The following BORCS8 variants were observed in gnomAD, a reference collection of about 807,000 sequenced individuals.
BORCS8 encodes BLOC-1 related complex subunit 8, also known as BLOC-1-related complex subunit 8.
Under a neutral mutation model 18.7 loss-of-function variants are expected in BORCS8, and 13 were observed. The ratio of observed to expected loss-of-function variants is 0.70; its 90% CI spans 0.45 to 1.11. The LOEUF (loss-of-function observed/expected upper bound fraction) is 1.11. BORCS8 is among the 50% of genes least tolerant of loss of function. The probability of loss-of-function intolerance (pLI) is 0.00; values close to 1 mark genes in which losing one functional copy is unlikely to be tolerated. For synonymous variants in BORCS8, 68 were observed against 64.8 expected (o/e 1.05, Z -0.24); for missense variants, 165 against 165.7 (o/e 1.00, Z 0.02).
chr19:19,182,583 G>GGC lies in BORCS8; in HGVS notation c.315_316insGC (p.Gln106AlafsTer60). On this transcript the variant is annotated frameshift_variant, in exon 4 of 6. Coordinates refer to ENST00000462790, the MANE Select transcript of BORCS8 (RefSeq NM_001145784.2). LOFTEE classifies it high-confidence loss of function. The surrounding 1 kb of genome is among the most constrained non-coding windows in gnomAD (Gnocchi z 4.1). ...GGTCCCAGGAGCTACCTGTGGCCCT[G>GGC]GGCACTGGCATTCATATGGTCCCGG... The GGC allele has an allele frequency of 6.4e-7, 1 of 1,550,882 alleles. No individual in the cohort carries two copies. The highest frequency in any genetic ancestry group is 8.7e-7 in the Non-Finnish European group (1 of 1,146,872).
chr19:19,187,759 G>C (rs753503018), intron 1 of BORCS8, among the ~76,000 whole-genome samples: 2 of 151,740 alleles, frequency 1.3e-5, no homozygotes, highest in Non-Finnish European at 2.9e-5. Flanking sequence ...GGATGGTCTC[G>C]ATCTCCTGAC....
In BORCS8 at chr19:19,180,745, G is replaced by C. The variant is rs1015941558; in HGVS notation, c.343C>G (p.Pro115Ala). The C allele has an allele frequency of 1.3e-6, 2 of 1,549,796 alleles. No individual in the cohort carries two copies. Among genetic ancestry groups the C allele is most frequent in the African/African-American group, 2.7e-5 (2 of 72,998 alleles). ...AQGHSPEEPP[P>A]PSSA ...TTCCAGGATCAGGCTGAGGAGGGCG[G>C]GGGTGGTTCCTCCGGGCTGCAACAA... The change falls in exon 5 of 6, where the codon CCG (proline) becomes GCG (alanine). Residue 115 changes from proline (P) to alanine (A), a missense_variant. Physicochemically the swap from Pro to Ala is conservative, Grantham distance 27 (BLOSUM62 -1). Transcript: ENST00000462790.
At chr19:19,177,696 G>GGAAGGAAGGAAGGAAGGAAGGGAAA (rs1376064847) in intron 5 of BORCS8, 2 of 74,650 alleles carry the variant, frequency 2.7e-5, no homozygotes, top group African/African-American at 1.0e-4. Context: ...AAGGAAGGAA[G>GGAAGGAAGGAAGGAAGGAAGGGAAA]AGAAAAGAAA....
chr19:19,184,453 C>G (rs1186097487), intron 3 of BORCS8, among the ~76,000 whole-genome samples: 1 of 151,764 alleles, frequency 6.6e-6, no homozygotes, highest in African/African-American at 2.4e-5. Flanking sequence ...CTACAGGTGC[C>G]ACCACACCTG....
chr19:19,182,418 T>C lies in BORCS8; in HGVS notation c.326+155A>G. On this transcript the variant is annotated intron_variant, in intron 4 of 5. Coordinates refer to ENST00000462790, the MANE Select transcript of BORCS8 (RefSeq NM_001145784.2). The surrounding 1 kb of genome is among the most constrained non-coding windows in gnomAD (Gnocchi z 4.1). ...CGGTATTAAGTGACTGAACTCAGGT[T>C]ATAGATGCCACAGGACAAGAGGAGG... 2 of 1,422,868 alleles carry C rather than the reference T, an allele frequency of 1.4e-6. No homozygotes were observed. The highest frequency in any genetic ancestry group is 1.4e-5 in the African/African-American group (1 of 69,466). The allele number at this position is 1,422,868 out of a possible 1,614,324, so 88.1% of individuals were successfully genotyped here.
chr19:19,184,863 G>A lies in BORCS8; in HGVS notation c.215+1171C>T, dbSNP rs368545687. Among the ~76,000 whole-genome samples the A allele has an allele frequency of 9.9e-5, 15 of 152,246 alleles. No individual in the cohort carries two copies. In the South Asian group the frequency reaches 3.1e-3, roughly 32 times the overall value. ...GATCCTCCCACCTCAGACTCCCAAAGCACTGGGAGTACAGGCGTAAGCCCC... is the reference window on the plus strand; with the variant it reads ...GATCCTCCCACCTCAGACTCCCAAAACACTGGGAGTACAGGCGTAAGCCCC... On this transcript the variant is annotated intron_variant, in intron 3 of 5. Coordinates refer to ENST00000462790, the MANE Select transcript of BORCS8 (RefSeq NM_001145784.2).
At position 19,188,559 on chromosome 19, in the gene BORCS8, G is replaced by A. The variant is rs960862803; in HGVS notation, c.38-1554C>T. Among the ~76,000 whole-genome samples, 7 of 152,192 alleles carry A rather than the reference G, an allele frequency of 4.6e-5. No individual in the cohort carries two copies. In the East Asian group the frequency reaches 9.7e-4, roughly 21 times the overall value. ...TCTTTTTGCCCCCGTGACCACACTC[G>A]GGACTCTTCAGAGCATGCCCACAGG... On this transcript the variant is annotated intron_variant, in intron 1 of 5. Transcript: ENST00000462790.
rs557144746 is a variant in BORCS8, at chr19:19,187,117, C to T, written c.38-112G>A. ...AAAGGGGGCATCTGGCGTGTCCCTC[C>T]GCAGCTAGGTCACTCCTGGCCCATG... On this transcript the variant is annotated intron_variant, in intron 1 of 5. Coordinates refer to ENST00000462790, the MANE Select transcript of BORCS8 (RefSeq NM_001145784.2). 201 of 743,612 alleles carry T rather than the reference C, an allele frequency of 2.7e-4. 1 individual carries two copies. The African/African-American group carries it at 2.8e-3, about 10-fold the overall frequency. The allele number at this position is 743,612 out of a possible 1,614,324, so 46.1% of individuals were successfully genotyped here.
chr19:19,191,963 G>A (rs2060488063), intron 1 of BORCS8, 118 bp downstream of exon 1: 3 of 1,232,220 alleles, frequency 2.4e-6, no homozygotes, highest in Non-Finnish European at 2.3e-6. Context: ...CGGCAGAGCT[G>A]GGATTGGACG....
intron 3 of BORCS8, among the ~76,000 whole-genome samples, chr19:19,184,590 C>T (rs2060388331): frequency 6.6e-6 from 1 of 151,894 alleles, no homozygotes; most frequent in Admixed American, 6.6e-5. Flanking sequence ...GTGTGAGCCA[C>T]CGCGCCCGGT....
intron 2 of BORCS8, 43 bp from the exon 3 acceptor site, chr19:19,186,141 C>G (rs543113164): frequency 2.0e-6 from 3 of 1,534,972 alleles, no homozygotes; most frequent in South Asian, 2.4e-5. Context: ...AGGCCACCCC[C>G]ACCTAGAGGG....
intron 4 of BORCS8, 117 bp from the exon 5 acceptor site, chr19:19,180,878 C>T (rs951166468): frequency 3.6e-5 from 39 of 1,089,294 alleles, no homozygotes; most frequent in Non-Finnish European, 5.0e-5. Flanking sequence ...CTGGCTTGAG[C>T]TTCTGGGGCA....
intron 5 of BORCS8, 118 bp downstream of exon 5, chr19:19,180,568 A>G: frequency 1.3e-6 from 1 of 742,410 alleles, no homozygotes; most frequent in Non-Finnish European, 2.4e-6. Context: ...AAATCATCCC[A>G]CAAGCCCAGT....
intron 5 of BORCS8, chr19:19,177,761 G>GAAAAGAAAAGA (rs1568562259): frequency 3.7e-5 from 6 of 163,118 alleles, no homozygotes; most frequent in African/African-American, 1.6e-4. Flanking sequence ...AAGAAAGGAA[G>GAAAAGAAAAGA]AAAGAAAGGG....
chr19:19,186,173 T>C (rs1369911286), intron 2 of BORCS8, 75 bp from the exon 3 acceptor site: 1 of 1,402,750 alleles, frequency 7.1e-7, no homozygotes, highest in Non-Finnish European at 9.9e-7. Context: ...GCTCTCTTGG[T>C]TGGGGCTCTC....
chr19:19,191,491 CAA>C (rs34145724), intron 1 of BORCS8, among the ~76,000 whole-genome samples: 76 of 85,942 alleles, frequency 8.8e-4, no homozygotes, highest in Non-Finnish European at 1.0e-3. Context: ...TACCTTGTCT[CAA>C]AAAAAAAAAA....
At chr19:19,177,758 G>GAAAAGAAAAGAAAAGAAAAGAA (rs1332814903) in intron 5 of BORCS8, 1 of 174,852 alleles carries the variant, frequency 5.7e-6, no homozygotes, top group African/African-American at 2.4e-5. Context: ...GAAAAGAAAG[G>GAAAAGAAAAGAAAAGAAAAGAA]AAGAAAGAAA....
chr19:19,177,698 GAAAAGAAAAGAAAA>G (rs2060311398), intron 5 of BORCS8: 2 of 39,266 alleles, frequency 5.1e-5, no homozygotes, highest in African/African-American at 2.7e-4. Flanking sequence ...GGAAGGAAGA[GAAAAGAAAAGAAAA>G]GAAAAGAAAA....
In BORCS8 at chr19:19,187,112, C is replaced by T. The variant is rs1051904585; in HGVS notation, c.38-107G>A. The T allele has an allele frequency of 4.5e-5, 35 of 781,532 alleles. No individual in the cohort carries two copies. The South Asian group carries it at 5.5e-4, about 12-fold the overall frequency. The allele number at this position is 781,532 out of a possible 1,614,324, so 48.4% of individuals were successfully genotyped here. ...AGAGCAAAGGGGGCATCTGGCGTGT[C>T]CCTCCGCAGCTAGGTCACTCCTGGC... is the stretch of plus-strand genomic sequence containing the variant. On this transcript the variant is annotated intron_variant, in intron 1 of 5. Coordinates refer to ENST00000462790, the MANE Select transcript of BORCS8 (RefSeq NM_001145784.2).
Sources: allele counts gnomAD v4.1 joint callset (sites outside exome capture counted in the v4.1 genomes callset), GRCh38; gene constraint gnomAD v4.1.1; non-coding constraint Gnocchi (gnomAD v3.1); transcripts MANE v1.5; gene names NCBI Gene and HGNC (gene_info 2026-07-23, HGNC 2026-07-21).